The following SYNE3 variants were observed in gnomAD, a reference collection of about 807,000 sequenced individuals.
SYNE3 encodes spectrin repeat containing nuclear envelope family member 3.
In SYNE3, 100 loss-of-function variants were observed where a neutral mutation model predicts 111.2. The ratio of observed to expected loss-of-function variants is 0.90; its 90% confidence interval spans 0.77 to 1.06. The LOEUF is 1.06. SYNE3 is among the 50% of genes least tolerant of loss of function. SYNE3 has a pLI of 0.00. For missense variants in SYNE3, 1,160 were observed against 1,240.3 expected (o/e 0.94, Z 0.97); for synonymous variants, 547 against 533.9 (o/e 1.02, Z -0.34).
At position 95,417,912 on chromosome 14, in the gene SYNE3, C is replaced by T. The variant is rs1348084419; in HGVS notation, c.2842G>A (p.Glu948Lys). 6.2e-7 allele frequency: 1 copy of T among 1,614,148 alleles called. No homozygotes were observed. Among genetic ancestry groups the T allele is most frequent in the South Asian group, 1.1e-5 (1 of 91,076 alleles). The change falls in exon 18 of 18, where the codon GAA becomes AAA. Residue 948 changes from glutamate (E) to lysine (K), a missense_variant. Physicochemically the swap from Glu to Lys is moderately conservative, Grantham distance 56. Coordinates refer to ENST00000682763, the MANE Select transcript of SYNE3 (RefSeq NM_152592.6). Reference sequence around the variant, plus strand: ...GCCAGGGTGCAGCTGCGGTCCTCTTCCCTGATTGGGAGCAGGAACAGCAGG... The same window carrying T: ...GCCAGGGTGCAGCTGCGGTCCTCTTTCCTGATTGGGAGCAGGAACAGCAGG... The part of the protein sequence containing the change: ...LLLLFLLPIR[E>K]EDRSCTLANN...
chr14:95,514,879 C>T (rs1018800967), intron 1 of SYNE3, among the ~76,000 whole-genome samples: 2 of 152,238 alleles, frequency 1.3e-5, no homozygotes, highest in Non-Finnish European at 2.9e-5. Context: ...CGGCAGCCCG[C>T]TCCAGGCTGC....
At chr14:95,432,700 G>GC in intron 16 of SYNE3, among the ~76,000 whole-genome samples, 1 of 150,530 alleles carries the variant, frequency 6.6e-6, no homozygotes, top group South Asian at 2.1e-4. Flanking sequence ...AGACACAGGG[G>GC]CCCCCGAAAA....
intron 4 of SYNE3, among the ~76,000 whole-genome samples, chr14:95,464,530 A>C (rs1387909352): frequency 6.6e-6 from 1 of 152,094 alleles, no homozygotes; most frequent in Non-Finnish European, 1.5e-5. Context: ...ACAAACAAAC[A>C]AAAAAAACCA....
intron 7 of SYNE3, 46 bp downstream of exon 7, chr14:95,452,201 G>A: frequency 6.7e-7 from 1 of 1,487,098 alleles, no homozygotes; most frequent in South Asian, 1.3e-5. Context: ...GGAAATGTGG[G>A]TTCCAGCACA....
chr14:95,461,780 C>T (rs1250394673), intron 4 of SYNE3, among the ~76,000 whole-genome samples: 1 of 152,266 alleles, frequency 6.6e-6, no homozygotes, highest in Non-Finnish European at 1.5e-5. Flanking sequence ...ACGACTGCCC[C>T]AAGAGAGACC....
chr14:95,509,716 A>G (rs773560348), intron 1 of SYNE3, among the ~76,000 whole-genome samples: 1 of 152,214 alleles, frequency 6.6e-6, no homozygotes, highest in Non-Finnish European at 1.5e-5. Flanking sequence ...TCAGATCTCA[A>G]ATAAAACTGT....
chr14:95,481,456 G>A (rs1286457737), intron 1 of SYNE3, among the ~76,000 whole-genome samples: 1 of 152,182 alleles, frequency 6.6e-6, no homozygotes, highest in Non-Finnish European at 1.5e-5. Context: ...ACGCTAGAGA[G>A]ACAAGGCGGG....
chr14:95,498,004 G>A (rs916259088), intron 1 of SYNE3, among the ~76,000 whole-genome samples: 2 of 149,434 alleles, frequency 1.3e-5, no homozygotes, highest in Non-Finnish European at 3.0e-5. Context: ...CTCCAGCCTG[G>A]GTGACAGGAC....
In SYNE3 at chr14:95,503,338, C is replaced by T. The variant is rs567352957; in HGVS notation, c.-15+13258G>A. Reference sequence around the variant, plus strand: ...ATGAGAGAGTAATAGTAAACCTTCACCAAGGGCATGCTATCTGCCAGGCAT... The same window carrying T: ...ATGAGAGAGTAATAGTAAACCTTCATCAAGGGCATGCTATCTGCCAGGCAT... On this transcript the variant is annotated intron_variant, in intron 1 of 17. Transcript: ENST00000682763. Among the ~76,000 whole-genome samples, 145 of 152,352 alleles carry T rather than the reference C, an allele frequency of 9.5e-4. 1 individual carries two copies. Among genetic ancestry groups the T allele is most frequent in the African/African-American group, 2.8e-3 (117 of 41,578 alleles).
chr14:95,426,106 G>A (rs1051164061), intron 17 of SYNE3, among the ~76,000 whole-genome samples: 4 of 152,256 alleles, frequency 2.6e-5, no homozygotes, highest in Non-Finnish European at 5.9e-5. Context: ...AAGAGCAAGT[G>A]TAGAGAATGC....
intron 4 of SYNE3, among the ~76,000 whole-genome samples, chr14:95,464,479 A>G (rs567802345): frequency 6.6e-6 from 1 of 152,314 alleles, no homozygotes; most frequent in African/African-American, 2.4e-5. Context: ...TACAAACGCA[A>G]TCTGAGAAGG....
chr14:95,487,563 T>C (rs969822075), intron 1 of SYNE3, among the ~76,000 whole-genome samples: 3 of 152,188 alleles, frequency 2.0e-5, no homozygotes, highest in African/African-American at 7.2e-5. Flanking sequence ...GGGGGTATAA[T>C]TGGTAAATAA....
At chr14:95,422,966 T>C (rs1184562198) in intron 17 of SYNE3, among the ~76,000 whole-genome samples, 1 of 152,156 alleles carries the variant, frequency 6.6e-6, no homozygotes, top group Non-Finnish European at 1.5e-5. Context: ...CTGACTTGGA[T>C]GTTGTCTTTG....
chr14:95,443,115 G>T (rs771693457), intron 11 of SYNE3, 40 bp downstream of exon 11: 2 of 1,610,450 alleles, frequency 1.2e-6, no homozygotes, highest in Non-Finnish European at 1.7e-6. Context: ...ACAGGGGCCG[G>T]CTCTCTGTCA....
intron 11 of SYNE3, among the ~76,000 whole-genome samples, chr14:95,440,493 A>G (rs779083639): frequency 2.6e-5 from 4 of 152,220 alleles, no homozygotes; most frequent in Non-Finnish European, 5.9e-5. Flanking sequence ...CCAAGGTCAT[A>G]CATGTGACAG....
chr14:95,447,235 G>A (rs1403545437), intron 8 of SYNE3, among the ~76,000 whole-genome samples: 4 of 150,794 alleles, frequency 2.7e-5, no homozygotes, highest in South Asian at 2.1e-4. Flanking sequence ...CTGGGTTCAC[G>A]CCATTCTCCT....
chr14:95,466,575 C>G (rs1321351512), intron 3 of SYNE3, among the ~76,000 whole-genome samples: 1 of 152,216 alleles, frequency 6.6e-6, no homozygotes, highest in East Asian at 1.9e-4. Flanking sequence ...TAAATCCTGG[C>G]CCTGAACTCC....
chr14:95,464,918 T>G (rs1264023849), intron 4 of SYNE3, among the ~76,000 whole-genome samples: 1 of 152,222 alleles, frequency 6.6e-6, no homozygotes, highest in Non-Finnish European at 1.5e-5. Context: ...TTAGAATGAT[T>G]GCAAATATAA....
chr14:95,488,958 C>A (rs1428198646), intron 1 of SYNE3, among the ~76,000 whole-genome samples: 2 of 152,196 alleles, frequency 1.3e-5, no homozygotes, highest in Non-Finnish European at 2.9e-5. Context: ...CCTAACTGAG[C>A]TCCCAGACTC....
Sources: allele counts gnomAD v4.1 joint callset (sites outside exome capture counted in the v4.1 genomes callset), GRCh38; gene constraint gnomAD v4.1.1; transcripts MANE v1.5; gene names NCBI Gene and HGNC (gene_info 2026-07-23, HGNC 2026-07-21).